Variants in CFAP210 observed in about 807,000 individuals in gnomAD.
CFAP210 encodes cilia and flagella associated protein 210.
the CFAP210 span, among the ~76,000 whole-genome samples, chr2:169,655,018 T>C: frequency 6.6e-6 from 1 of 152,176 alleles, no homozygotes; most frequent in Non-Finnish European, 1.5e-5. Context: ...TAAAAGTAGG[T>C]CACTAGTATT....
At chr2:169,679,482 T>C in the CFAP210 span, among the ~76,000 whole-genome samples, 1 of 151,876 alleles carries the variant, frequency 6.6e-6, no homozygotes, top group Non-Finnish European at 1.5e-5. Flanking sequence ...ATCAAGACCA[T>C]CCTGGCTAAC....
the CFAP210 span, among the ~76,000 whole-genome samples, chr2:169,664,787 C>T: frequency 6.6e-5 from 10 of 152,238 alleles, no homozygotes; most frequent in African/African-American, 1.9e-4. Flanking sequence ...AATATGTCAA[C>T]GCCTTGCTCT....
chr2:169,678,868 A>T, the CFAP210 span, among the ~76,000 whole-genome samples: 1 of 152,104 alleles, frequency 6.6e-6, no homozygotes, highest in Non-Finnish European at 1.5e-5. Flanking sequence ...TAAAAGAATC[A>T]TAAGGATGTG....
the CFAP210 span, among the ~76,000 whole-genome samples, chr2:169,682,314 T>A: frequency 6.6e-6 from 1 of 152,162 alleles, no homozygotes; most frequent in Non-Finnish European, 1.5e-5. Flanking sequence ...ATGCAAGACA[T>A]CATACAAACC....
the CFAP210 span, chr2:169,645,923 C>G: frequency 6.2e-7 from 1 of 1,613,752 alleles, no homozygotes; most frequent in Non-Finnish European, 8.5e-7. Context: ...GAGCTGGACT[C>G]CAGTAACATC....
the CFAP210 span, among the ~76,000 whole-genome samples, chr2:169,648,819 GAT>G: frequency 0.011 from 1,743 of 152,224 alleles, 38 homozygotes; most frequent in African/African-American, 0.039. Context: ...TTTAAAATCT[GAT>G]ATCTCCATTC....
At chr2:169,652,987 A>G in the CFAP210 span, among the ~76,000 whole-genome samples, 12 of 113,258 alleles carry the variant, frequency 1.1e-4, no homozygotes, top group Admixed American at 3.0e-4. Flanking sequence ...GCGACAGAGC[A>G]AGACTCCGTC....
chr2:169,674,932 T>C, the CFAP210 span: 4 of 1,539,494 alleles, frequency 2.6e-6, no homozygotes, highest in African/African-American at 4.1e-5. Flanking sequence ...ATGGCCTTTT[T>C]TCTTTTTCCT....
chr2:169,648,069 T>C, the CFAP210 span: 1 of 157,390 alleles, frequency 6.4e-6, no homozygotes, highest in African/African-American at 2.5e-5. Context: ...GGCAGGAGAA[T>C]TGCTTGAACC....
chr2:169,646,028 TA>T, the CFAP210 span: 4 of 1,613,976 alleles, frequency 2.5e-6, no homozygotes, highest in Non-Finnish European at 3.4e-6. Flanking sequence ...TACAAGAGGG[TA>T]AATATATTTA....
the CFAP210 span, among the ~76,000 whole-genome samples, chr2:169,673,323 C>T: frequency 1.3e-5 from 2 of 152,180 alleles, no homozygotes; most frequent in Admixed American, 1.3e-4. Context: ...TGACTGCCAC[C>T]TCTGAGCTGC....
the CFAP210 span, chr2:169,649,416 GAGTC>G: frequency 2.9e-6 from 4 of 1,378,584 alleles, no homozygotes; most frequent in Non-Finnish European, 4.0e-6. Flanking sequence ...AAAAGGCACA[GAGTC>G]AGAGAGTTGA....
the CFAP210 span, among the ~76,000 whole-genome samples, chr2:169,659,004 A>G: frequency 6.6e-6 from 1 of 152,164 alleles, no homozygotes; most frequent in East Asian, 1.9e-4. Flanking sequence ...GCCTAGTCCC[A>G]TCTACTCAGA....
the CFAP210 span, among the ~76,000 whole-genome samples, chr2:169,653,816 G>A: frequency 3.3e-5 from 5 of 151,900 alleles, no homozygotes; most frequent in Non-Finnish European, 5.9e-5. Flanking sequence ...CATCTGTATC[G>A]ACAACTCCAA....
chr2:169,683,209 C>T, the CFAP210 span, among the ~76,000 whole-genome samples: 1 of 152,192 alleles, frequency 6.6e-6, no homozygotes, highest in East Asian at 1.9e-4. Flanking sequence ...CAAAATAAAG[C>T]CAAACAAAGC....
At chr2:169,683,580 C>T in the CFAP210 span, among the ~76,000 whole-genome samples, 97 of 152,230 alleles carry the variant, frequency 6.4e-4, 1 homozygote, top group African/African-American at 2.0e-3. Flanking sequence ...AAACTTAATT[C>T]GCTAAAATTC....
the CFAP210 span, among the ~76,000 whole-genome samples, chr2:169,660,117 G>A: frequency 2.1e-3 from 325 of 151,780 alleles, no homozygotes; most frequent in African/African-American, 7.4e-3. Context: ...GGCTGGGCAC[G>A]GTGGCTCATG....
the CFAP210 span, chr2:169,654,358 A>G: frequency 1.5e-6 from 1 of 662,594 alleles, no homozygotes; most frequent in East Asian, 2.8e-5. Flanking sequence ...AGAGATGATC[A>G]GAGAAGTGCA....
the CFAP210 span, chr2:169,645,833 A>T: frequency 0.12 from 195,720 of 1,567,116 alleles, 13,241 homozygotes; most frequent in Middle Eastern, 0.15. Context: ...GTTAAAAATA[A>T]TTTTTTTCTA....
Sources: allele counts gnomAD v4.1 joint callset (sites outside exome capture counted in the v4.1 genomes callset), GRCh38; gene constraint gnomAD v4.1.1; transcripts MANE v1.5; gene names NCBI Gene and HGNC (gene_info 2026-07-23, HGNC 2026-07-21).